The following ZNF331 variants were observed in gnomAD, a reference collection of about 807,000 sequenced individuals.
ZNF331 encodes C2H2-like zinc finger protein rearranged in thyroid adenomas.
A neutral mutation model predicts 7.0 loss-of-function variants in ZNF331; 2 were observed. That is an observed-to-expected ratio of 0.29 (90% CI 0.12 to 0.90). The LOEUF is 0.90. Among genes scored for constraint, ZNF331 ranks in the 40% least tolerant of loss-of-function variants. The probability of loss-of-function intolerance (pLI) is 0.58; values close to 1 mark genes in which losing one functional copy is unlikely to be tolerated. For missense variants in ZNF331, 432 were observed against 587.7 expected (o/e 0.74, Z 2.74); for synonymous variants, 196 against 205.4 (o/e 0.95, Z 0.39).
chr19:53,515,506 T>G (rs368964981), upstream of ZNF331, among the ~76,000 whole-genome samples: 68 of 152,288 alleles, frequency 4.5e-4, no homozygotes, highest in Middle Eastern at 6.8e-3. Flanking sequence ...TGGTTGGTTG[T>G]TTGTTTTTGA....
At position 53,571,053 on chromosome 19, in the gene ZNF331, G is replaced by T. The variant is rs1451438044; in HGVS notation, c.10-551G>T. On this transcript the variant is annotated intron_variant, in intron 4 of 5. Transcript: ENST00000449416. This position sits in a 1 kb window ranked among gnomAD's most constrained non-coding sequence, Gnocchi z 4.7. ...TTTTTGTATTTTTAGTAGAGATGGG[G>T]TTTCACCATGTTTGCCAGGATGGTC... Among the ~76,000 whole-genome samples the T allele has an allele frequency of 6.6e-6, 1 of 151,448 alleles. No individual in the cohort carries two copies. The highest frequency in any genetic ancestry group is 2.4e-5 in the African/African-American group (1 of 41,202).
At chr19:53,542,422 G>A (rs2088240699) in intron 2 of ZNF331, among the ~76,000 whole-genome samples, 1 of 152,156 alleles carries the variant, frequency 6.6e-6, no homozygotes, top group Non-Finnish European at 1.5e-5. Context: ...TGCAGATACG[G>A]ACTTTCCATG....
the ZNF331 span, among the ~76,000 whole-genome samples, chr19:53,509,656 C>T: frequency 3.3e-5 from 5 of 152,290 alleles, no homozygotes; most frequent in East Asian, 1.9e-4. Context: ...CAGCCACTTC[C>T]GAGGTCAGAT....
intron 2 of ZNF331, among the ~76,000 whole-genome samples, chr19:53,542,595 CAGATT>C (rs2088253099): frequency 6.6e-6 from 1 of 152,174 alleles, no homozygotes. Context: ...GGCATCTTCT[CAGATT>C]AGAGTCATTA....
chr19:53,519,951 G>GA (rs2087004856), upstream of ZNF331, among the ~76,000 whole-genome samples: 1 of 152,168 alleles, frequency 6.6e-6, no homozygotes, highest in African/African-American at 2.4e-5. Context: ...GAACGCTCTG[G>GA]AGGCACAGCT....
At chr19:53,511,211 A>T in the ZNF331 span, among the ~76,000 whole-genome samples, 66 of 152,312 alleles carry the variant, frequency 4.3e-4, 2 homozygotes, top group Admixed American at 3.3e-3. Flanking sequence ...AAAGTATAAA[A>T]TACTTAGAAA....
intron 2 of ZNF331, among the ~76,000 whole-genome samples, chr19:53,551,910 T>A (rs1305419749): frequency 6.6e-6 from 1 of 152,184 alleles, no homozygotes; most frequent in Non-Finnish European, 1.5e-5. Flanking sequence ...GGAACAAATC[T>A]GGATACTGAG....
At chr19:53,509,006 T>A in the ZNF331 span, among the ~76,000 whole-genome samples, 1 of 152,180 alleles carries the variant, frequency 6.6e-6, no homozygotes, top group Non-Finnish European at 1.5e-5. Context: ...TCATCACCTT[T>A]TTTCCCTCAT....
chr19:53,534,323 T>C (rs2087656393), upstream of ZNF331, among the ~76,000 whole-genome samples: 1 of 148,146 alleles, frequency 6.8e-6, no homozygotes, highest in Non-Finnish European at 1.5e-5. Context: ...AGTCTCACTC[T>C]GTTGCCTGGG....
chr19:53,506,474 C>G, the ZNF331 span, among the ~76,000 whole-genome samples: 10 of 143,622 alleles, frequency 7.0e-5, no homozygotes, highest in African/African-American at 1.9e-4. Flanking sequence ...CTCTCTCTCT[C>G]TCTCTCTGTC....
chr19:53,550,743 G>T (rs1424356305), intron 2 of ZNF331, among the ~76,000 whole-genome samples: 2 of 151,276 alleles, frequency 1.3e-5, no homozygotes, highest in African/African-American at 4.9e-5. Flanking sequence ...TGCCATGTTG[G>T]CCATACTGGT....
At chr19:53,552,297 T>C (rs1336010889) in intron 2 of ZNF331, among the ~76,000 whole-genome samples, 4 of 152,188 alleles carry the variant, frequency 2.6e-5, no homozygotes, top group Non-Finnish European at 5.9e-5. Flanking sequence ...TTATGTGTCT[T>C]AGAATATTTT....
chr19:53,523,719 A>G (rs2087180300), intron 2 of ZNF331, among the ~76,000 whole-genome samples: 1 of 152,040 alleles, frequency 6.6e-6, no homozygotes, highest in African/African-American at 2.4e-5. Context: ...GTTAGCCACC[A>G]TGCCCAGCCT....
chr19:53,509,267 G>A, the ZNF331 span, among the ~76,000 whole-genome samples: 16 of 152,262 alleles, frequency 1.1e-4, no homozygotes, highest in African/African-American at 2.6e-4. Context: ...TTTCTTCCAC[G>A]TAGAGATGAA....
At chr19:53,549,707 AAATT>A (rs2088858261) in intron 2 of ZNF331, among the ~76,000 whole-genome samples, 6 of 150,474 alleles carry the variant, frequency 4.0e-5, no homozygotes, top group Admixed American at 2.0e-4. Flanking sequence ...AAAAAAAAAA[AAATT>A]TTTTTTTAAA....
At chr19:53,514,933 G>T (rs1306048264), upstream of ZNF331, among the ~76,000 whole-genome samples, 1 of 152,178 alleles carries the variant, frequency 6.6e-6, no homozygotes, top group African/African-American at 2.4e-5. Context: ...ACAGGCGGGA[G>T]CCATGGTGCC....
intron 2 of ZNF331, among the ~76,000 whole-genome samples, chr19:53,524,665 C>A (rs951400100): frequency 2.0e-5 from 3 of 151,954 alleles, no homozygotes; most frequent in Non-Finnish European, 4.4e-5. Flanking sequence ...TGGATATTAG[C>A]CCTTTGTGAG....
intron 3 of ZNF331, among the ~76,000 whole-genome samples, chr19:53,559,413 T>C (rs528606185): frequency 6.7e-6 from 1 of 149,414 alleles, no homozygotes; most frequent in Admixed American, 6.7e-5. Context: ...TATACACACA[T>C]ACACATCGTA....
chr19:53,577,143 G>A lies in ZNF331; in HGVS notation c.583G>A (p.Ala195Thr), dbSNP rs1310396564. 1.2e-6 allele frequency: 2 copies of A among 1,613,944 alleles called. No individual in the cohort carries two copies. The highest frequency in any genetic ancestry group is 1.3e-5 in the African/African-American group (1 of 74,894). The change falls in exon 6 of 6, where the codon GCT becomes ACT. Residue 195 changes from alanine to threonine, a missense_variant. Transcript: ENST00000449416. Reference protein sequence around the residue: ...KPYECKDCGKAFRWGSSLVIH... With the variant: ...KPYECKDCGKTFRWGSSLVIH... ...CTACGAATGTAAAGACTGTGGGAAGGCTTTTCGATGGGGCTCAAGCCTCGT... is the reference window on the plus strand; with the variant it reads ...CTACGAATGTAAAGACTGTGGGAAGACTTTTCGATGGGGCTCAAGCCTCGT...
Sources: allele counts gnomAD v4.1 joint callset (sites outside exome capture counted in the v4.1 genomes callset), GRCh38; gene constraint gnomAD v4.1.1; non-coding constraint Gnocchi (gnomAD v3.1); transcripts MANE v1.5; gene names NCBI Gene and HGNC (gene_info 2026-07-23, HGNC 2026-07-21).